The following USP47 variants were observed in gnomAD, a reference collection of about 807,000 sequenced individuals.
USP47 encodes ubiquitin specific peptidase 47, also known as ubiquitin carboxyl-terminal hydrolase 47.
A neutral mutation model predicts 165.1 loss-of-function variants in USP47; 35 were observed. The observed-to-expected ratio is 0.21, with a 90% CI of 0.16 to 0.28. USP47 has a LOEUF of 0.28. Ranked by LOEUF, USP47 falls within the 10% of genes least tolerant of loss-of-function variation. The probability of loss-of-function intolerance (pLI) is 1.00; values close to 1 mark genes in which losing one functional copy is unlikely to be tolerated. For missense variants in USP47, 1,277 were observed against 1,607.4 expected, an observed-to-expected ratio of 0.79 and a Z score of 3.52; for synonymous variants, 531 against 544.5, an observed-to-expected ratio of 0.98 and a Z score of 0.35.
rs1291766625 is a variant in USP47 at position 11,888,329 on chromosome 11, TAAGAA to T, written c.358-3634_358-3630del. ...ATAGATAAACTGCTAGTTAGACTAA[TAAGAA>T]AAGAGAAGAATCAAATAAACACAAT... is the stretch of plus-strand genomic sequence containing the variant. On this transcript the variant is annotated intron_variant, in intron 3 of 27. Coordinates refer to ENST00000527733, the MANE Select transcript of USP47 (RefSeq NM_001282659.2). Among the ~76,000 whole-genome samples the T allele has an allele frequency of 5.3e-5, 8 of 151,690 alleles. No individual in the cohort carries two copies. The East Asian group carries it at 9.7e-4, about 18-fold the overall frequency.
chr11:11,892,669 A>G (rs1158303346), intron 4 of USP47, among the ~76,000 whole-genome samples: 1 of 151,734 alleles, frequency 6.6e-6, no homozygotes, highest in African/African-American at 2.4e-5. Flanking sequence ...TAAAAAAATT[A>G]GCTGGGCATG....
At chr11:11,932,826 G>A (rs1854772419) in intron 14 of USP47, among the ~76,000 whole-genome samples, 178 bp from the exon 15 acceptor site, 1 of 152,102 alleles carries the variant, frequency 6.6e-6, no homozygotes, top group Admixed American at 6.6e-5. Flanking sequence ...CCTGTTAACT[G>A]TCTCTTAACC....
intron 7 of USP47, among the ~76,000 whole-genome samples, chr11:11,904,903 G>C (rs997689959): frequency 6.6e-6 from 1 of 152,112 alleles, no homozygotes; most frequent in Non-Finnish European, 1.5e-5. Context: ...TCTTGAGCTA[G>C]AGGATATGAT....
intron 8 of USP47, among the ~76,000 whole-genome samples, chr11:11,914,987 C>A (rs1369811814): frequency 6.6e-6 from 1 of 152,086 alleles, no homozygotes; most frequent in Non-Finnish European, 1.5e-5. Context: ...GGTCATTTAT[C>A]CCAGAAAAAT....
rs573402750 is a variant in USP47, at chr11:11,945,815, G to C, written c.3092-2130G>C. On this transcript the variant is annotated intron_variant, in intron 20 of 27. Transcript: ENST00000527733. ...TAGCCAGCGTGGTCATGTGCCTGTAGTTCTAGCTACTTCGGAGGCTGAGGT... is the reference window on the plus strand; with the variant it reads ...TAGCCAGCGTGGTCATGTGCCTGTACTTCTAGCTACTTCGGAGGCTGAGGT... Among the ~76,000 whole-genome samples, 11 of 151,814 alleles carry C rather than the reference G, an allele frequency of 7.2e-5. No individual in the cohort carries two copies. The South Asian group carries it at 2.3e-3, about 32-fold the overall frequency.
intron 10 of USP47, among the ~76,000 whole-genome samples, chr11:11,920,865 T>TA (rs1853785135): frequency 1.3e-5 from 2 of 151,890 alleles, no homozygotes; most frequent in South Asian, 4.1e-4. Context: ...TGATCTATAA[T>TA]AAATGCAGAC....
In USP47 at chr11:11,950,502, G is replaced by A. The variant is rs1007569869; in HGVS notation, c.3583+20G>A. ...TTGATGGTATTTTCAATATTTTTGGGGGGAAGTATCAGTTAGAAATACTCT... is the reference window on the plus strand; with the variant it reads ...TTGATGGTATTTTCAATATTTTTGGAGGGAAGTATCAGTTAGAAATACTCT... On this transcript the variant is annotated intron_variant, in intron 24 of 27. Coordinates refer to ENST00000527733, the MANE Select transcript of USP47 (RefSeq NM_001282659.2). 6 of 1,532,808 alleles carry A rather than the reference G, an allele frequency of 3.9e-6. No individual in the cohort carries two copies. The highest frequency in any genetic ancestry group is 4.5e-6 in the Non-Finnish European group (5 of 1,117,726). The allele number at this position is 1,532,808 out of a possible 1,614,324, so 95.0% of individuals were successfully genotyped here.
intron 16 of USP47, among the ~76,000 whole-genome samples, chr11:11,935,848 A>G (rs766023334): frequency 6.6e-6 from 1 of 151,946 alleles, no homozygotes; most frequent in Non-Finnish European, 1.5e-5. Context: ...TTTATGAGAC[A>G]TGCTGTCCTC....
At chr11:11,920,545 C>T in intron 10 of USP47, 51 bp downstream of exon 10, 2 of 1,521,910 alleles carry the variant, frequency 1.3e-6, no homozygotes, top group Non-Finnish European at 1.8e-6. Context: ...ATTAGTCAGT[C>T]ATGGTTTTGA....
chr11:11,878,307 A>G (rs1383626692), intron 1 of USP47, among the ~76,000 whole-genome samples: 2 of 152,158 alleles, frequency 1.3e-5, no homozygotes, highest in African/African-American at 4.8e-5. Flanking sequence ...AGCTTATTTG[A>G]AGCTTTAAAA....
At chr11:11,881,658 G>A (rs1416032921) in intron 2 of USP47, among the ~76,000 whole-genome samples, 3 of 151,988 alleles carry the variant, frequency 2.0e-5, no homozygotes, top group Non-Finnish European at 4.4e-5. Context: ...TTTAGGGGAG[G>A]ATTATTGGTA....
intron 1 of USP47, among the ~76,000 whole-genome samples, chr11:11,869,906 C>A (rs1849925813): frequency 1.3e-5 from 2 of 152,128 alleles, no homozygotes; most frequent in African/African-American, 4.8e-5. Flanking sequence ...AGCAGGAAAG[C>A]CCTTGCCAGA....
intron 11 of USP47, among the ~76,000 whole-genome samples, chr11:11,926,661 C>T (rs1305965633): frequency 6.6e-6 from 1 of 151,634 alleles, no homozygotes; most frequent in East Asian, 1.9e-4. Flanking sequence ...TTTATTTCTG[C>T]TCTAATCTTT....
intron 16 of USP47, among the ~76,000 whole-genome samples, 161 bp downstream of exon 16, chr11:11,934,096 G>A (rs1854881367): frequency 6.6e-6 from 1 of 152,084 alleles, no homozygotes; most frequent in Admixed American, 6.6e-5. Flanking sequence ...CTCCTTTGGA[G>A]CATAGTCAGT....
At chr11:11,953,936 A>G (rs1856387504) in intron 25 of USP47, among the ~76,000 whole-genome samples, 1 of 152,140 alleles carries the variant, frequency 6.6e-6, no homozygotes, top group Non-Finnish European at 1.5e-5. Flanking sequence ...GCAATTAAAC[A>G]TCTGGGAATT....
In USP47 at chr11:11,933,011, A is replaced by G. The variant is rs768176314; in HGVS notation, c.1659A>G (p.Leu553=). ...TGTTTTTATTACTAATAGAATTTCT[A>G]GAAGTGGATGAATACCCAGAACATA... The part of the protein sequence containing the change: ...LKDPARNAKF[L]EVDEYPEHIK... The change falls in exon 15 of 28, where the codon CTA becomes CTG. Residue 553 remains leucine, a synonymous_variant. Coordinates refer to ENST00000527733, the MANE Select transcript of USP47 (RefSeq NM_001282659.2). 13 of 1,611,918 alleles carry G rather than the reference A, an allele frequency of 8.1e-6. No individual in the cohort carries two copies. The highest frequency in any genetic ancestry group is 1.1e-5 in the Non-Finnish European group (13 of 1,178,910).
chr11:11,930,393 G>T (rs923598763), intron 13 of USP47, among the ~76,000 whole-genome samples: 1 of 152,080 alleles, frequency 6.6e-6, no homozygotes, highest in African/African-American at 2.4e-5. Flanking sequence ...TTACTATTTG[G>T]TCCTTGCTGG....
At position 11,903,326 on chromosome 11, in the gene USP47, G is replaced by T. The variant is rs748216892; in HGVS notation, c.803G>T (p.Trp268Leu). 1 of 1,612,078 alleles carries T rather than the reference G, an allele frequency of 6.2e-7. No homozygotes were observed. The highest frequency in any genetic ancestry group is 1.1e-5 in the South Asian group (1 of 90,726). ...RVMFDALEQK[W>L]KQTEQADLIN... Reference sequence around the variant, plus strand: ...ATGTTTGATGCTTTGGAACAGAAATGGAAGCAAACAGAACAGGTAATTTAT... The same window carrying T: ...ATGTTTGATGCTTTGGAACAGAAATTGAAGCAAACAGAACAGGTAATTTAT... The change falls in exon 7 of 28, where the codon TGG (tryptophan) becomes TTG (leucine). Residue 268 changes from tryptophan to leucine, a missense_variant. This residue lies in a region of USP47 where 175 missense variants were observed against 295.8 expected (regional missense o/e 0.59). Transcript: ENST00000527733.
intron 11 of USP47, among the ~76,000 whole-genome samples, chr11:11,927,437 T>C (rs899005722): frequency 3.3e-5 from 5 of 152,138 alleles, no homozygotes; most frequent in Admixed American, 1.3e-4. Flanking sequence ...TTACATATTA[T>C]GTATGTCTGG....
Sources: allele counts gnomAD v4.1 joint callset (sites outside exome capture counted in the v4.1 genomes callset), GRCh38; gene constraint gnomAD v4.1.1; regional missense constraint gnomAD v4.1.1; transcripts MANE v1.5; gene names NCBI Gene and HGNC (gene_info 2026-07-23, HGNC 2026-07-21).